Variants in CEP76 observed in about 807,000 individuals in gnomAD.
CEP76 encodes centrosomal protein of 76 kDa.
A neutral mutation model predicts 83.3 loss-of-function variants in CEP76; 55 were observed. The observed-to-expected ratio is 0.66, with a 90% CI of 0.53 to 0.83. CEP76 has a LOEUF of 0.83. CEP76 is among the 40% of genes least tolerant of loss of function. CEP76 has a pLI of 0.00. For synonymous variants in CEP76, 270 were observed against 274.5 expected, an observed-to-expected ratio of 0.98 and a Z score of 0.16; for missense variants, 694 against 799.5, an observed-to-expected ratio of 0.87 and a Z score of 1.59.
chr18:12,677,458 C>CAAAAAAA (rs71174127), intron 10 of CEP76, among the ~76,000 whole-genome samples: 2 of 53,940 alleles, frequency 3.7e-5, no homozygotes, highest in Middle Eastern at 0.018. Context: ...GATTCCATCT[C>CAAAAAAA]AAAAAAAAAA....
chr18:12,679,650 T>C (rs2039275612), intron 9 of CEP76, among the ~76,000 whole-genome samples: 1 of 152,180 alleles, frequency 6.6e-6, no homozygotes, highest in South Asian at 2.1e-4. Context: ...GCTAAAGTAC[T>C]TTAAAAAATG....
intron 4 of CEP76, 87 bp from the exon 5 acceptor site, chr18:12,697,495 A>G (rs2039997671): frequency 3.4e-6 from 3 of 886,308 alleles, no homozygotes; most frequent in Admixed American, 6.2e-5. Flanking sequence ...ACAGTAAATA[A>G]TAAGCTTATA....
chr18:12,683,148 C>T (rs993822532), intron 8 of CEP76, among the ~76,000 whole-genome samples: 1 of 140,354 alleles, frequency 7.1e-6, no homozygotes, highest in Non-Finnish European at 1.5e-5. Context: ...GAGTTTGAGA[C>T]CACCCTGGCC....
At chr18:12,699,725 AT>A in intron 3 of CEP76, 104 bp downstream of exon 3, 1 of 656,606 alleles carries the variant, frequency 1.5e-6, no homozygotes, top group Non-Finnish European at 2.5e-6. Context: ...TAAGTATTTT[AT>A]TTTGGGGGGA....
chr18:12,678,765 G>A (rs2039236842), intron 9 of CEP76, among the ~76,000 whole-genome samples: 1 of 151,982 alleles, frequency 6.6e-6, no homozygotes, highest in Non-Finnish European at 1.5e-5. Context: ...AGACTAACCT[G>A]ACCAACATGG....
At chr18:12,697,712 A>G (rs2542172) in intron 4 of CEP76, among the ~76,000 whole-genome samples, 24,665 of 152,154 alleles carry the variant, frequency 0.16, 2,091 homozygotes, top group Admixed American at 0.24. Context: ...TGCTACTACA[A>G]TAAAAAGCCT....
chr18:12,667,517 T>G (rs1161978345), intron 12 of CEP76, among the ~76,000 whole-genome samples: 2 of 152,076 alleles, frequency 1.3e-5, no homozygotes, highest in Non-Finnish European at 1.5e-5. Context: ...ATCCCAGCAC[T>G]TTGGGAGGCC....
chr18:12,691,595 G>A (rs1157065470), intron 6 of CEP76, 108 bp from the exon 7 acceptor site: 3 of 729,570 alleles, frequency 4.1e-6, no homozygotes, highest in Non-Finnish European at 6.4e-6. Flanking sequence ...CCTAATCTGA[G>A]TCATCATCAT....
chr18:12,671,111 ATTTATTCT>A (rs1489273527), downstream of CEP76: 3 of 145,284 alleles, frequency 2.1e-5, no homozygotes, highest in Admixed American at 2.1e-4. Flanking sequence ...AACAAAGTAG[ATTTATTCT>A]TTTAGAGAAA....
At chr18:12,682,566 T>C (rs1385461314) in intron 8 of CEP76, among the ~76,000 whole-genome samples, 4 of 152,152 alleles carry the variant, frequency 2.6e-5, no homozygotes, top group East Asian at 3.9e-4. Flanking sequence ...AGAAAACAAA[T>C]AGCATTTTAT....
chr18:12,678,947 AAAAAAT>A (rs1316968656), intron 9 of CEP76: 1 of 152,130 alleles, frequency 6.6e-6, no homozygotes, highest in African/African-American at 2.4e-5. Context: ...CTCCAAGAAA[AAAAAAT>A]AAAAATAAAA....
downstream of CEP76, among the ~76,000 whole-genome samples, chr18:12,668,288 C>G (rs1217877960): frequency 1.3e-5 from 2 of 150,586 alleles, no homozygotes; most frequent in Admixed American, 1.3e-4. Flanking sequence ...CCCACCGCCA[C>G]TGGCCAAAAA....
Position 12,702,469 on chromosome 18 carries a change from G to C in CEP76, c.63+17C>G, listed in dbSNP as rs1345846454. 5 of 1,590,960 alleles carry C rather than the reference G, an allele frequency of 3.1e-6. No homozygotes were observed. The highest frequency in any genetic ancestry group is 4.3e-6 in the Non-Finnish European group (5 of 1,163,108). On this transcript the variant is annotated intron_variant, in intron 1 of 11. Transcript: ENST00000262127. ...TGGGTCGGCCCGGCGGTCTCTCCCA[G>C]CACCCGCGACTCTCACCTTGCTCAG...
At chr18:12,696,115 T>C (rs1418159027) in intron 5 of CEP76, among the ~76,000 whole-genome samples, 2 of 152,314 alleles carry the variant, frequency 1.3e-5, no homozygotes. Context: ...TGAAGACAAA[T>C]TGGGTATTGT....
chr18:12,679,211 G>A (rs1177503431), intron 9 of CEP76: 1 of 152,138 alleles, frequency 6.6e-6, no homozygotes, highest in Non-Finnish European at 1.5e-5. Flanking sequence ...GAAAGAGAAT[G>A]TTCCATGAAG....
intron 7 of CEP76, among the ~76,000 whole-genome samples, chr18:12,688,809 T>C (rs2039638355): frequency 6.6e-6 from 1 of 152,124 alleles, no homozygotes; most frequent in Non-Finnish European, 1.5e-5. Context: ...ATACAGAACA[T>C]TTCCATCATT....
At chr18:12,669,554 T>C (rs905900110), downstream of CEP76, among the ~76,000 whole-genome samples, 6 of 152,156 alleles carry the variant, frequency 3.9e-5, no homozygotes, top group South Asian at 2.1e-4. Flanking sequence ...AATAGACATA[T>C]ATAAAACTAC....
At chr18:12,666,528 C>G (rs1470529793) in intron 12 of CEP76, among the ~76,000 whole-genome samples, 1 of 146,786 alleles carries the variant, frequency 6.8e-6, no homozygotes, top group Non-Finnish European at 1.5e-5. Context: ...AGCCTCCTAA[C>G]GTCCCGCCTC....
intron 8 of CEP76, among the ~76,000 whole-genome samples, chr18:12,681,238 CAGAA>C (rs1289771243): frequency 1.4e-5 from 2 of 146,472 alleles, no homozygotes; most frequent in Non-Finnish European, 3.0e-5. Context: ...TCACACAACA[CAGAA>C]AGAAAAGTAG....
Sources: gnomAD v4.1 joint callset for allele counts (sites outside exome capture counted in the v4.1 genomes callset) on GRCh38, gnomAD v4.1.1 for gene constraint, MANE v1.5 for transcripts, NCBI Gene and HGNC (gene_info 2026-07-23, HGNC 2026-07-21) for gene names.